Variants in CFTR observed in about 807,000 individuals in gnomAD.
CFTR encodes the protein cystic fibrosis transmembrane conductance regulator.
In CFTR, 181 loss-of-function variants were observed where a neutral mutation model predicts 171.6. That is an observed-to-expected ratio of 1.05 (90% CI 0.93 to 1.19). The LOEUF (loss-of-function observed/expected upper bound fraction) is 1.19, where lower values mean the gene tolerates loss of function less well. Among genes scored for constraint, CFTR ranks in the 50% most tolerant of loss-of-function variants. The pLI, the probability that CFTR is intolerant of heterozygous loss-of-function variation, is 0.00. For synonymous variants in CFTR, 583 were observed against 608.0 expected, an observed-to-expected ratio of 0.96 and a Z score of 0.60; for missense variants, 1,968 against 1,734.7, an observed-to-expected ratio of 1.13 and a Z score of -2.39.
chr7:117,542,389 A>G (rs1799070181), intron 9 of CFTR, among the ~76,000 whole-genome samples: 1 of 152,098 alleles, frequency 6.6e-6, no homozygotes, highest in African/African-American at 2.4e-5. Context: ...TCTACTAAAA[A>G]TACAAAAAAT....
At chr7:117,504,088 G>A (rs1003908671) in intron 1 of CFTR, among the ~76,000 whole-genome samples, 165 bp from the exon 2 acceptor site, 4 of 152,146 alleles carry the variant, frequency 2.6e-5, no homozygotes, top group African/African-American at 7.2e-5. Flanking sequence ...TACAGGTGTA[G>A]CCTGTAAGAG....
chr7:117,561,757 T>A (rs1247218915), intron 11 of CFTR, among the ~76,000 whole-genome samples: 2 of 152,118 alleles, frequency 1.3e-5, no homozygotes, highest in Non-Finnish European at 2.9e-5. Context: ...GACATATCAA[T>A]AACAAATCGA....
intron 10 of CFTR, among the ~76,000 whole-genome samples, chr7:117,558,803 C>T (rs1799405820): frequency 6.6e-6 from 1 of 152,004 alleles, no homozygotes; most frequent in Non-Finnish European, 1.5e-5. Flanking sequence ...ACCCCATTTC[C>T]TTTGTTTGTT....
intron 12 of CFTR, among the ~76,000 whole-genome samples, chr7:117,589,931 A>C (rs765278855): frequency 7.2e-5 from 11 of 151,992 alleles, no homozygotes; most frequent in Non-Finnish European, 1.6e-4. Flanking sequence ...GAACTGTATA[A>C]TTTTTGCCAT....
At chr7:117,489,327 G>A (rs1562878576) in intron 1 of CFTR, among the ~76,000 whole-genome samples, 1 of 152,198 alleles carries the variant, frequency 6.6e-6, no homozygotes, top group East Asian at 1.9e-4. Flanking sequence ...GAAGAAAGTG[G>A]TAGGTGATTG....
chr7:117,548,129 C>A (rs538470392), intron 9 of CFTR, among the ~76,000 whole-genome samples: 9 of 152,170 alleles, frequency 5.9e-5, no homozygotes, highest in East Asian at 1.9e-4. Flanking sequence ...TAAAGAAATG[C>A]TTTGAGCTTC....
rs213981 is a variant in CFTR at position 117,614,473 on chromosome 7, A to C, written c.3368-140A>C. ...TATTAGTAGATGCTGTGATGAACTGAGATTTAAAAATTGTTAAAATTAGCA... is the reference window on the plus strand; with the variant it reads ...TATTAGTAGATGCTGTGATGAACTGCGATTTAAAAATTGTTAAAATTAGCA... On this transcript the variant is annotated intron_variant, in intron 20 of 26. Transcript: ENST00000003084. 128,753 of 679,836 alleles carry C rather than the reference A, an allele frequency of 0.19. 13,332 individuals are homozygous for C. The highest frequency in any genetic ancestry group is 0.22 in the South Asian group (13,981 of 64,430). 42.1% of individuals were successfully genotyped at this position (679,836 alleles called of 1,614,324 possible).
At chr7:117,570,288 G>A (rs1471963655) in intron 11 of CFTR, among the ~76,000 whole-genome samples, 1 of 151,980 alleles carries the variant, frequency 6.6e-6, no homozygotes, top group African/African-American at 2.4e-5. Flanking sequence ...CACGTGCCAT[G>A]TAACCAGCGA....
At position 117,620,408 on chromosome 7, in the gene CFTR, C is replaced by T. The variant is rs375746895; in HGVS notation, c.3468+5695C>T. Among the ~76,000 whole-genome samples, 288 of 152,292 alleles carry T rather than the reference C, an allele frequency of 1.9e-3. 1 individual carries two copies. Among genetic ancestry groups the T allele is most frequent in the African/African-American group, 6.8e-3 (284 of 41,578 alleles). On this transcript the variant is annotated intron_variant, in intron 21 of 26. Coordinates refer to ENST00000003084, the MANE Select transcript of CFTR (RefSeq NM_000492.4). The stretch of plus-strand genomic sequence containing the variant: ...TGGATCTTTTTCCCATGAAAAATTT[C>T]AACTCTTGATTAGCATGTAGGCAGG...
At chr7:117,565,152 CCT>C (rs1791579825) in intron 11 of CFTR, among the ~76,000 whole-genome samples, 2 of 152,268 alleles carry the variant, frequency 1.3e-5, no homozygotes, top group African/African-American at 4.8e-5. Context: ...TTTTTCTTCC[CCT>C]GTGTCCAAAC....
chr7:117,550,500 C>G (rs1025485320), intron 10 of CFTR, among the ~76,000 whole-genome samples: 1 of 151,846 alleles, frequency 6.6e-6, no homozygotes, highest in Non-Finnish European at 1.5e-5. Context: ...TCTTTTATAT[C>G]TTGTATATTA....
At chr7:117,643,385 A>G (rs1792949736) in intron 23 of CFTR, among the ~76,000 whole-genome samples, 1 of 152,040 alleles carries the variant, frequency 6.6e-6, no homozygotes, top group Non-Finnish European at 1.5e-5. Flanking sequence ...TGCTAATACT[A>G]CTCTACTTTT....
At chr7:117,542,869 A>G (rs1799080327) in intron 9 of CFTR, among the ~76,000 whole-genome samples, 1 of 152,220 alleles carries the variant, frequency 6.6e-6, no homozygotes, top group Non-Finnish European at 1.5e-5. Context: ...TACCATGCAC[A>G]CAGTTGTTCC....
At chr7:117,497,168 C>T (rs1798253288) in intron 1 of CFTR, among the ~76,000 whole-genome samples, 1 of 152,130 alleles carries the variant, frequency 6.6e-6, no homozygotes, top group Non-Finnish European at 1.5e-5. Flanking sequence ...GACAAATTAA[C>T]TAATTAAGCT....
At position 117,667,815 on chromosome 7, in the gene CFTR, C is replaced by T. The variant is rs1793410050; in HGVS notation, c.*707C>T. 1 of 154,816 alleles carries T rather than the reference C, an allele frequency of 6.5e-6. No homozygotes were observed. The highest frequency in any genetic ancestry group is 2.0e-4 in the South Asian group (1 of 4,984). The allele number at this position is 154,816 out of a possible 1,614,324, so 9.6% of individuals were successfully genotyped here. A position where few individuals can be genotyped will look rare whatever the true frequency, so the allele number is the denominator to read the frequency against. Reference sequence around the variant, plus strand: ...ATATTTCAGATAATCACAATACATCCCTTACCTGGGAAAGGGCTGTTATAA... The same window carrying T: ...ATATTTCAGATAATCACAATACATCTCTTACCTGGGAAAGGGCTGTTATAA... On this transcript the variant is annotated 3_prime_UTR_variant, in exon 27 of 27. Transcript: ENST00000003084.
In CFTR at chr7:117,536,599, G is replaced by T; in HGVS notation, c.795G>T (p.Met265Ile). 1 of 1,609,236 alleles carries T rather than the reference G, an allele frequency of 6.2e-7. No individual in the cohort carries two copies. The highest frequency in any genetic ancestry group is 8.5e-7 in the Non-Finnish European group (1 of 1,177,674). ...AAAGACTTGTGATTACCTCAGAAAT[G>T]ATTGAAAATATCCAATCTGTTAAGG... ...ISERLVITSE[M>I]IENIQSVKAY... The change falls in exon 7 of 27, where the codon ATG (methionine) becomes ATT (isoleucine). Residue 265 changes from methionine (M) to isoleucine (I), a missense_variant. Physicochemically the swap from Met to Ile is conservative, Grantham distance 10. Transcript: ENST00000003084.
At chr7:117,522,785 A>C (rs1440347147) in intron 3 of CFTR, among the ~76,000 whole-genome samples, 3 of 152,100 alleles carry the variant, frequency 2.0e-5, no homozygotes, top group African/African-American at 7.2e-5. Flanking sequence ...TTTGTGAAGG[A>C]TTGCACTTCA....
In CFTR at chr7:117,666,971, C is replaced by T. The variant is rs760649031; in HGVS notation, c.4306C>T (p.Leu1436Phe). 1 of 1,614,048 alleles carries T rather than the reference C, an allele frequency of 6.2e-7. No individual in the cohort carries two copies. The highest frequency in any genetic ancestry group is 2.2e-5 in the East Asian group (1 of 44,850). The change falls in exon 27 of 27, where the codon CTC (leucine) becomes TTC (phenylalanine). Residue 1436 changes from leucine (L) to phenylalanine (F), a missense_variant. Leu to Phe is a conservative substitution (Grantham distance 22). Coordinates refer to ENST00000003084, the MANE Select transcript of CFTR (RefSeq NM_000492.4). ...SIQKLLNERSLFRQAISPSDR... is the reference protein window; with the variant it reads ...SIQKLLNERSFFRQAISPSDR... Reference sequence around the variant, plus strand: ...CCAGAAACTGCTGAACGAGAGGAGCCTCTTCCGGCAAGCCATCAGCCCCTC... The same window carrying T: ...CCAGAAACTGCTGAACGAGAGGAGCTTCTTCCGGCAAGCCATCAGCCCCTC...
intron 2 of CFTR, among the ~76,000 whole-genome samples, chr7:117,505,912 C>T (rs560111715): frequency 6.6e-6 from 1 of 152,248 alleles, no homozygotes; most frequent in African/African-American, 2.4e-5. Context: ...AGCAGATTCA[C>T]ACTTCTAAGA....
Sources: allele counts gnomAD v4.1 joint callset (sites outside exome capture counted in the v4.1 genomes callset), GRCh38; gene constraint gnomAD v4.1.1; transcripts MANE v1.5; gene names NCBI Gene and HGNC (gene_info 2026-07-23, HGNC 2026-07-21).